DMD: variants seen among roughly 807,000 people sequenced by gnomAD.
DMD encodes dystrophin, also known as mutant dystrophin.
A neutral mutation model predicts 330.1 loss-of-function variants in DMD; 63 were observed. That is an observed-to-expected ratio of 0.19 (90% CI 0.16 to 0.24). The LOEUF (loss-of-function observed/expected upper bound fraction) is 0.24. Ranked by LOEUF, DMD falls within the 10% of genes least tolerant of loss-of-function variation. DMD has a pLI of 1.00. For missense variants in DMD, 3,344 were observed against 2,684.1 expected, an observed-to-expected ratio of 1.25 and a Z score of -5.43; for synonymous variants, 1,223 against 959.8, an observed-to-expected ratio of 1.27 and a Z score of -5.07.
chrX:33,079,107 C>T (rs187998059), intron 1 of DMD, among the ~76,000 whole-genome samples: 3 of 111,264 alleles, frequency 2.7e-5, no homozygotes, highest in South Asian at 3.8e-4. Context: ...CTTGGCTCAC[C>T]GCAACCTCCG....
intron 61 of DMD, among the ~76,000 whole-genome samples, chrX:31,338,149 G>A (rs2057506212): frequency 9.2e-6 from 1 of 109,054 alleles, no homozygotes; most frequent in African/African-American, 3.3e-5. Flanking sequence ...CACAGCCAAT[G>A]ACTAATTCAC....
chrX:32,801,090 G>A (rs930483366), intron 7 of DMD, among the ~76,000 whole-genome samples: 1 of 111,276 alleles, frequency 9.0e-6, no homozygotes, highest in Non-Finnish European at 1.9e-5. Context: ...CTAGATCCTT[G>A]AGCAATCACC....
chrX:32,611,917 G>A (rs1486910267), intron 12 of DMD, among the ~76,000 whole-genome samples: 1 of 111,936 alleles, frequency 8.9e-6, no homozygotes, highest in East Asian at 2.8e-4. Context: ...AAGATACAGA[G>A]AACCTGGGAC....
intron 1 of DMD, among the ~76,000 whole-genome samples, chrX:33,105,511 AT>A (rs1325449833): frequency 8.9e-6 from 1 of 112,573 alleles, no homozygotes; most frequent in African/African-American, 3.2e-5. Context: ...ATGGAAAAAA[AT>A]ATTTGCAAAC....
At chrX:32,119,784 G>GTT (rs1486067965) in intron 44 of DMD, among the ~76,000 whole-genome samples, 2 of 112,319 alleles carry the variant, frequency 1.8e-5, no homozygotes. Flanking sequence ...TCTGATTGAT[G>GTT]TTTATCTATG....
intron 43 of DMD, among the ~76,000 whole-genome samples, chrX:32,255,381 T>C (rs1249865168): frequency 3.6e-5 from 4 of 111,130 alleles, no homozygotes; most frequent in African/African-American, 1.3e-4. Flanking sequence ...AAAAATAAAG[T>C]TTTATTGGAA....
At chrX:33,128,785 C>A (rs747104760) in intron 1 of DMD, among the ~76,000 whole-genome samples, 1 of 112,109 alleles carries the variant, frequency 8.9e-6, no homozygotes, top group Non-Finnish European at 1.9e-5. Flanking sequence ...ACTCTAAAAA[C>A]GTCCAGTGCT....
chrX:33,262,032 T>C (rs2052965625), intron 1 of DMD, among the ~76,000 whole-genome samples: 1 of 110,337 alleles, frequency 9.1e-6, no homozygotes, highest in South Asian at 3.8e-4. Context: ...CATTTTTAAA[T>C]AATATGTTTA....
At chrX:32,206,783 G>T (rs183594354) in intron 44 of DMD, 11 of 416,497 alleles carry the variant, frequency 2.6e-5, no homozygotes, top group African/African-American at 1.2e-4. Flanking sequence ...ATCTGATTTC[G>T]TTTCTGTAAC....
At chrX:31,775,271 AG>A (rs755089216) in intron 50 of DMD, among the ~76,000 whole-genome samples, 10 of 111,589 alleles carry the variant, frequency 9.0e-5, no homozygotes, top group South Asian at 3.9e-4. Context: ...ACACTATAGT[AG>A]GTGATCAATA....
At chrX:32,683,206 CAAT>C (rs1328378718) in intron 9 of DMD, among the ~76,000 whole-genome samples, 1 of 110,891 alleles carries the variant, frequency 9.0e-6, no homozygotes. Context: ...ACTAATTACT[CAAT>C]AATTTTCTAT....
At chrX:32,253,899 G>A (rs1474043233) in intron 43 of DMD, among the ~76,000 whole-genome samples, 1 of 111,276 alleles carries the variant, frequency 9.0e-6, no homozygotes, top group African/African-American at 3.3e-5. Flanking sequence ...TGCGATTACA[G>A]GCGTGAGCCA....
chrX:33,166,764 C>CAT (rs1185060987), intron 1 of DMD, among the ~76,000 whole-genome samples: 376 of 108,098 alleles, frequency 3.5e-3, no homozygotes, highest in African/African-American at 0.012. Flanking sequence ...TACATACATA[C>CAT]ATATATATAT....
At chrX:32,772,230 CAT>C (rs1474439929) in intron 7 of DMD, among the ~76,000 whole-genome samples, 2 of 112,728 alleles carry the variant, frequency 1.8e-5, no homozygotes, top group Non-Finnish European at 3.8e-5. Flanking sequence ...TAATTCATGA[CAT>C]ATTCTACTAT....
intron 26 of DMD, among the ~76,000 whole-genome samples, chrX:32,450,078 T>C (rs1159235199): frequency 9.0e-6 from 1 of 110,907 alleles, no homozygotes; most frequent in African/African-American, 3.3e-5. Context: ...TGGGGAAATG[T>C]TAATTTCCCA....
At chrX:32,935,059 A>G (rs1181840226) in intron 2 of DMD, among the ~76,000 whole-genome samples, 1 of 112,764 alleles carries the variant, frequency 8.9e-6, no homozygotes, top group African/African-American at 3.2e-5. Flanking sequence ...GCTCACTGCA[A>G]GCTCCGCCTC....
In DMD at chrX:32,502,160, G is replaced by T. The variant is rs1449090084; in HGVS notation, c.2293-318C>A. Among the ~76,000 whole-genome samples, 5 of 111,392 alleles carry T rather than the reference G, an allele frequency of 4.5e-5. No individual in the cohort carries two copies. The East Asian group carries it at 1.4e-3, about 31-fold the overall frequency. ...GCAATTCATAACAATGAAAGATAAA[G>T]TGTCACATAACTAAAATGAAATTTA... is the stretch of plus-strand genomic sequence containing the variant. On this transcript the variant is annotated intron_variant, in intron 18 of 78. Coordinates refer to ENST00000357033, the MANE Select transcript of DMD (RefSeq NM_004006.3).
chrX:31,661,674 C>T (rs1213891387), intron 53 of DMD, among the ~76,000 whole-genome samples: 3 of 111,686 alleles, frequency 2.7e-5, no homozygotes, highest in African/African-American at 9.8e-5. Context: ...ATTTAAAATA[C>T]TGTGAGCACT....
At chrX:31,187,423 C>A (rs138189235) in intron 67 of DMD, among the ~76,000 whole-genome samples, 2 of 111,346 alleles carry the variant, frequency 1.8e-5, no homozygotes, top group Non-Finnish European at 3.8e-5. Context: ...AATATGATTG[C>A]GGAGAATGTA....
Sources: gnomAD v4.1 joint callset for allele counts (sites outside exome capture counted in the v4.1 genomes callset) on GRCh38, gnomAD v4.1.1 for gene constraint, MANE v1.5 for transcripts, NCBI Gene and HGNC (gene_info 2026-07-23, HGNC 2026-07-21) for gene names.